DAB1: variants seen among roughly 807,000 people sequenced by gnomAD.
The protein encoded by DAB1 is disabled homolog 1.
DAB1 carries 15 observed loss-of-function variants against 64.6 expected under a neutral mutation model. The observed-to-expected ratio is 0.23, with a 90% CI of 0.16 to 0.36. The LOEUF is 0.36. Ranked by LOEUF, DAB1 falls within the 10% of genes least tolerant of loss-of-function variation. The pLI, the probability that DAB1 is intolerant of heterozygous loss-of-function variation, is 1.00. For synonymous variants in DAB1, 235 were observed against 251.9 expected, an observed-to-expected ratio of 0.93 and a Z score of 0.64; for missense variants, 596 against 706.7, an observed-to-expected ratio of 0.84 and a Z score of 1.78.
chr1:57,102,399 A>G (rs978977083), intron 4 of DAB1, among the ~76,000 whole-genome samples: 1 of 152,230 alleles, frequency 6.6e-6, no homozygotes, highest in Non-Finnish European at 1.5e-5. Flanking sequence ...AGGATATTAT[A>G]CTGAAAGAGG....
chr1:57,020,284 C>T (rs906113563), intron 11 of DAB1, among the ~76,000 whole-genome samples: 2 of 152,172 alleles, frequency 1.3e-5, no homozygotes, highest in African/African-American at 4.8e-5. Flanking sequence ...TCCAAGGCTC[C>T]TGAAGAACCA....
chr1:57,297,295 G>C (rs1240815795), intron 1 of DAB1, among the ~76,000 whole-genome samples: 1 of 152,150 alleles, frequency 6.6e-6, no homozygotes, highest in Non-Finnish European at 1.5e-5. Context: ...TATTGAGCCA[G>C]TTGATAAACT....
intron 6 of DAB1, among the ~76,000 whole-genome samples, chr1:57,774,153 T>C (rs1018866260): frequency 1.9e-4 from 29 of 151,932 alleles, no homozygotes; most frequent in African/African-American, 6.5e-4. Flanking sequence ...TTCCCATTTA[T>C]TCAAATCTTA....
intron 9 of DAB1, among the ~76,000 whole-genome samples, chr1:57,057,871 G>T (rs1159634764): frequency 6.6e-6 from 1 of 152,114 alleles, no homozygotes; most frequent in East Asian, 1.9e-4. Flanking sequence ...GCCTCCCAAA[G>T]TGCTGGGATT....
At chr1:57,622,227 G>A (rs894458179) in intron 7 of DAB1, among the ~76,000 whole-genome samples, 4 of 152,280 alleles carry the variant, frequency 2.6e-5, no homozygotes, top group Non-Finnish European at 4.4e-5. Flanking sequence ...CAGGAGGAGA[G>A]ACTCTTACTT....
At chr1:58,245,573 T>C (rs1023198925) in intron 4 of DAB1, among the ~76,000 whole-genome samples, 1 of 151,576 alleles carries the variant, frequency 6.6e-6, no homozygotes, top group Admixed American at 6.6e-5. Context: ...TAGGGTAGAG[T>C]GGAAAAAAGA....
intron 6 of DAB1, among the ~76,000 whole-genome samples, chr1:57,713,094 C>G (rs771169631): frequency 2.6e-5 from 4 of 152,184 alleles, no homozygotes; most frequent in Non-Finnish European, 5.9e-5. Flanking sequence ...ATCACTGGTA[C>G]ACTCATCTGC....
intron 6 of DAB1, among the ~76,000 whole-genome samples, chr1:57,772,090 G>A (rs578169734): frequency 1.3e-5 from 2 of 152,208 alleles, no homozygotes; most frequent in East Asian, 3.9e-4. Context: ...TGTTTAATAG[G>A]TGATTAGGCC....
intron 3 of DAB1, among the ~76,000 whole-genome samples, chr1:58,374,989 G>T (rs1358603383): frequency 7.3e-6 from 1 of 136,864 alleles, no homozygotes; most frequent in Admixed American, 7.3e-5. Flanking sequence ...TTTGTCTGTT[G>T]TTGGTGTATA....
intron 6 of DAB1, among the ~76,000 whole-genome samples, chr1:57,673,862 C>A (rs1034101833): frequency 6.6e-6 from 1 of 152,108 alleles, no homozygotes; most frequent in African/African-American, 2.4e-5. Context: ...TTCTAAAAGT[C>A]ACTATTTTGA....
intron 2 of DAB1, among the ~76,000 whole-genome samples, chr1:57,276,810 T>G (rs1166436893): frequency 6.6e-6 from 1 of 152,252 alleles, no homozygotes; most frequent in East Asian, 1.9e-4. Flanking sequence ...GATTTCAACT[T>G]ACTATAATAA....
chr1:57,655,633 T>C (rs995358629), intron 6 of DAB1, among the ~76,000 whole-genome samples: 1 of 152,098 alleles, frequency 6.6e-6, no homozygotes, highest in African/African-American at 2.4e-5. Context: ...AACTAAATAA[T>C]TGAATATAGA....
chr1:57,261,229 T>C (rs1260673622), intron 2 of DAB1, among the ~76,000 whole-genome samples: 2 of 152,034 alleles, frequency 1.3e-5, no homozygotes, highest in East Asian at 3.9e-4. Context: ...TCTTGACCAG[T>C]CTTCACTGAA....
chr1:57,294,074 G>A (rs568738365), intron 1 of DAB1, among the ~76,000 whole-genome samples: 1 of 152,170 alleles, frequency 6.6e-6, no homozygotes, highest in Admixed American at 6.5e-5. Flanking sequence ...CAGAGGTTGA[G>A]CAAATGCTGT....
chr1:58,152,232 A>G (rs1359853490), intron 4 of DAB1, among the ~76,000 whole-genome samples: 1 of 152,126 alleles, frequency 6.6e-6, no homozygotes, highest in Non-Finnish European at 1.5e-5. Context: ...CCCCCATTCT[A>G]CAAGCTGGAA....
In DAB1 at chr1:58,320,545, A is replaced by G. The variant is rs534067989; in HGVS notation, n.309+22807T>C. The stretch of plus-strand genomic sequence containing the variant: ...AGTGTCAGTGCTGGGGTTGAAATCC[A>G]GACATGTCTGCAACCAAATCACATT... On this transcript the variant is annotated intron_variant and non_coding_transcript_variant, in intron 4 of 20. Transcript: ENST00000485760. 5.3e-5 allele frequency among the ~76,000 whole-genome samples: 8 copies of G among 152,344 alleles called. No individual in the cohort carries two copies. The East Asian group carries it at 1.5e-3, about 29-fold the overall frequency.
intron 2 of DAB1, among the ~76,000 whole-genome samples, chr1:57,172,651 T>C (rs1427636674): frequency 6.6e-6 from 1 of 152,066 alleles, no homozygotes; most frequent in Non-Finnish European, 1.5e-5. Context: ...AGAGATCACA[T>C]GATGAGAAAG....
chr1:57,148,385 C>A (rs1051781381), intron 2 of DAB1, among the ~76,000 whole-genome samples: 1 of 152,188 alleles, frequency 6.6e-6, no homozygotes. Context: ...AGTAGATAAT[C>A]CAGTTTCTCA....
intron 1 of DAB1, among the ~76,000 whole-genome samples, chr1:57,413,504 G>A (rs1333759425): frequency 6.6e-6 from 1 of 152,088 alleles, no homozygotes; most frequent in African/African-American, 2.4e-5. Flanking sequence ...CACTTTGGGA[G>A]GCGGAAGCGG....
Sources: gnomAD v4.1 joint callset for allele counts (sites outside exome capture counted in the v4.1 genomes callset) on GRCh38, gnomAD v4.1.1 for gene constraint, MANE v1.5 for transcripts, NCBI Gene and HGNC (gene_info 2026-07-23, HGNC 2026-07-21) for gene names.